The following RAP1A variants were observed in gnomAD, a reference collection of about 807,000 sequenced individuals.
The protein encoded by RAP1A is RAP1A, member of RAS oncogene family.
RAP1A carries 6 observed loss-of-function variants against 26.4 expected under a neutral mutation model. The observed-to-expected ratio is 0.23, with a 90% CI of 0.12 to 0.45. The LOEUF (loss-of-function observed/expected upper bound fraction) is 0.45, where lower values mean the gene tolerates loss of function less well. Among genes scored for constraint, RAP1A ranks in the 20% least tolerant of loss-of-function variants. The pLI is 0.99. For missense variants in RAP1A, 121 were observed against 217.2 expected (o/e 0.56, Z 2.78); for synonymous variants, 73 against 79.4 (o/e 0.92, Z 0.43).
At chr1:111,580,573 G>A (rs1164677857) in intron 1 of RAP1A, among the ~76,000 whole-genome samples, 1 of 152,204 alleles carries the variant, frequency 6.6e-6, no homozygotes, top group Non-Finnish European at 1.5e-5. Context: ...TAGTTGCCGG[G>A]CGTGGTGGCT....
At chr1:111,679,841 A>G (rs1432839702) in intron 1 of RAP1A, among the ~76,000 whole-genome samples, 1 of 152,156 alleles carries the variant, frequency 6.6e-6, no homozygotes, top group Non-Finnish European at 1.5e-5. Context: ...GCCTCTCTAG[A>G]TTATTCCTCT....
chr1:111,575,639 C>T (rs1472305432), intron 1 of RAP1A, among the ~76,000 whole-genome samples: 1 of 152,142 alleles, frequency 6.6e-6, no homozygotes, highest in East Asian at 1.9e-4. Flanking sequence ...CACAGAGACA[C>T]CAGGCACACG....
chr1:111,687,298 C>T (rs974987837), intron 1 of RAP1A, among the ~76,000 whole-genome samples: 1 of 151,266 alleles, frequency 6.6e-6, no homozygotes, highest in Non-Finnish European at 1.5e-5. Flanking sequence ...ACCTCTGTCT[C>T]CTGGGTTTAA....
intron 1 of RAP1A, chr1:111,648,698 C>T (rs1375819952): frequency 1.1e-5 from 6 of 561,382 alleles, no homozygotes; most frequent in South Asian, 3.2e-5. Flanking sequence ...GCTCTGTGAG[C>T]GTCATCTTAG....
At chr1:111,635,811 G>GAT (rs1659712788) in intron 1 of RAP1A, among the ~76,000 whole-genome samples, 2 of 151,820 alleles carry the variant, frequency 1.3e-5, no homozygotes, top group Admixed American at 6.5e-5. Flanking sequence ...GACCTCAGGT[G>GAT]ATCCCCCCAC....
intron 1 of RAP1A, among the ~76,000 whole-genome samples, chr1:111,679,497 T>C (rs547361083): frequency 8.9e-4 from 104 of 117,024 alleles, no homozygotes; most frequent in African/African-American, 2.6e-3. Flanking sequence ...CTGTAGGAGG[T>C]TTTTCTTTTC....
intron 6 of RAP1A, among the ~76,000 whole-genome samples, chr1:111,705,986 A>AGAG (rs1315714136): frequency 6.6e-6 from 1 of 152,226 alleles, no homozygotes; most frequent in Admixed American, 6.5e-5. Flanking sequence ...GCCAGAGGAC[A>AGAG]GTACACTACA....
At position 111,640,940 on chromosome 1, in the gene RAP1A, G is replaced by T. The variant is rs1046247103; in HGVS notation, c.-28+21006G>T. Among the ~76,000 whole-genome samples the T allele has an allele frequency of 4.5e-4, 69 of 152,236 alleles. 1 individual carries two copies. The highest frequency in any genetic ancestry group is 3.9e-3 in the Admixed American group (59 of 15,284). Reference sequence around the variant, plus strand: ...GATTGTGCCACTACACTCCAGCCTAGGTGACAGTGAGACCCTGTCTCAAAA... The same window carrying T: ...GATTGTGCCACTACACTCCAGCCTATGTGACAGTGAGACCCTGTCTCAAAA... On this transcript the variant is annotated intron_variant, in intron 1 of 7. Transcript: ENST00000369709.
chr1:111,550,175 C>T (rs1372396829), intron 1 of RAP1A, among the ~76,000 whole-genome samples: 1 of 152,090 alleles, frequency 6.6e-6, no homozygotes, highest in African/African-American at 2.4e-5. Context: ...TAGTAAGGTG[C>T]CTGCTCTCAT....
upstream of RAP1A, among the ~76,000 whole-genome samples, chr1:111,615,536 A>G (rs187957871): frequency 6.6e-5 from 10 of 152,274 alleles, no homozygotes; most frequent in East Asian, 1.9e-3. Flanking sequence ...AAAATTAAAT[A>G]GGATTTAAAA....
At chr1:111,695,203 T>TAA (rs1661789293) in intron 2 of RAP1A, 138 bp from the exon 3 acceptor site, 1 of 329,466 alleles carries the variant, frequency 3.0e-6, no homozygotes, top group Non-Finnish European at 4.8e-6. Flanking sequence ...ATTGAAAGAA[T>TAA]TAATAATATA....
chr1:111,557,057 T>C (rs187339406), intron 1 of RAP1A, among the ~76,000 whole-genome samples: 2 of 152,232 alleles, frequency 1.3e-5, no homozygotes, highest in African/African-American at 4.8e-5. Flanking sequence ...CTAGACACTT[T>C]GTAAAATGTC....
chr1:111,710,896 ACT>A (rs1040531465), intron 7 of RAP1A, among the ~76,000 whole-genome samples: 1 of 152,134 alleles, frequency 6.6e-6, no homozygotes, highest in African/African-American at 2.4e-5. Context: ...ACAGTGGCAC[ACT>A]CTGCTCACTG....
At chr1:111,601,789 C>G (rs1372693204) in intron 1 of RAP1A, among the ~76,000 whole-genome samples, 3 of 152,140 alleles carry the variant, frequency 2.0e-5, no homozygotes, top group Non-Finnish European at 2.9e-5. Flanking sequence ...ATAATACCTT[C>G]CTCATGGGAT....
intron 1 of RAP1A, among the ~76,000 whole-genome samples, chr1:111,569,554 T>C (rs912105529): frequency 3.3e-5 from 5 of 152,050 alleles, no homozygotes; most frequent in African/African-American, 1.2e-4. Context: ...GTTCTGTCTC[T>C]GTACTAGAAA....
chr1:111,574,965 A>G (rs917678631), intron 1 of RAP1A, among the ~76,000 whole-genome samples: 1 of 152,268 alleles, frequency 6.6e-6, no homozygotes, highest in Non-Finnish European at 1.5e-5. Flanking sequence ...ATCCACAAAC[A>G]TATATGTTTT....
intron 1 of RAP1A, among the ~76,000 whole-genome samples, chr1:111,599,093 G>T (rs904278207): frequency 1.3e-5 from 2 of 152,168 alleles, no homozygotes; most frequent in East Asian, 3.9e-4. Flanking sequence ...CTCTCTAGGA[G>T]CCTCCAGATA....
intron 3 of RAP1A, 113 bp downstream of exon 3, chr1:111,695,522 G>A: frequency 1.4e-6 from 1 of 693,110 alleles, no homozygotes; most frequent in Non-Finnish European, 2.2e-6. Context: ...CAAATATTGT[G>A]CATCTGTTTT....
intron 1 of RAP1A, among the ~76,000 whole-genome samples, chr1:111,661,276 T>C (rs1158022885): frequency 6.6e-6 from 1 of 152,176 alleles, no homozygotes; most frequent in Non-Finnish European, 1.5e-5. Flanking sequence ...TGATTAAATT[T>C]GTCATTTTAC....
Sources: allele counts gnomAD v4.1 joint callset (sites outside exome capture counted in the v4.1 genomes callset), GRCh38; gene constraint gnomAD v4.1.1; transcripts MANE v1.5; gene names NCBI Gene and HGNC (gene_info 2026-07-23, HGNC 2026-07-21).